The following GALNT13 variants were observed in gnomAD, a reference collection of about 807,000 sequenced individuals.
GALNT13 encodes polypeptide N-acetylgalactosaminyltransferase 13.
In GALNT13, 28 loss-of-function variants were observed where a neutral mutation model predicts 64.2. The observed-to-expected ratio is 0.44, with a 90% CI of 0.32 to 0.60. The LOEUF (loss-of-function observed/expected upper bound fraction) is 0.60, where lower values mean the gene tolerates loss of function less well. Among genes scored for constraint, GALNT13 ranks in the 20% least tolerant of loss-of-function variants. GALNT13 has a pLI of 0.05. For synonymous variants in GALNT13, 214 were observed against 224.6 expected (o/e 0.95, Z 0.42); for missense variants, 577 against 669.8 (o/e 0.86, Z 1.53).
chr2:153,783,903 T>G, the GALNT13 span, among the ~76,000 whole-genome samples: 1 of 152,300 alleles, frequency 6.6e-6, no homozygotes, highest in Admixed American at 6.5e-5. Context: ...CTTTTCTTTA[T>G]AAATTACCCA....
intron 10 of GALNT13, 147 bp downstream of exon 10, chr2:154,396,277 C>T (rs914278978): frequency 1.1e-5 from 5 of 472,010 alleles, no homozygotes; most frequent in Non-Finnish European, 1.8e-5. Flanking sequence ...TTTCAAGGAC[C>T]ATGAAGTCTT....
At chr2:153,135,806 A>T in the GALNT13 span, among the ~76,000 whole-genome samples, 1 of 152,046 alleles carries the variant, frequency 6.6e-6, no homozygotes, top group African/African-American at 2.4e-5. Context: ...ACCAAGGGAA[A>T]CTTTAAAAGT....
At chr2:153,601,732 A>G in the GALNT13 span, among the ~76,000 whole-genome samples, 6 of 151,860 alleles carry the variant, frequency 4.0e-5, no homozygotes, top group Admixed American at 6.6e-5. Flanking sequence ...TAGGCCTTCT[A>G]TGACTTTTTA....
the GALNT13 span, among the ~76,000 whole-genome samples, chr2:153,847,228 A>G: frequency 1.3e-5 from 2 of 152,090 alleles, no homozygotes; most frequent in African/African-American, 4.8e-5. Context: ...ATCTAATATT[A>G]CCTTCTCTTC....
At chr2:153,114,839 C>T in the GALNT13 span, among the ~76,000 whole-genome samples, 1 of 151,672 alleles carries the variant, frequency 6.6e-6, no homozygotes, top group Admixed American at 6.6e-5. Context: ...TTTCTCTTTC[C>T]AATCCCCCTC....
At chr2:153,258,531 T>A in the GALNT13 span, among the ~76,000 whole-genome samples, 11 of 152,226 alleles carry the variant, frequency 7.2e-5, no homozygotes, top group Admixed American at 1.3e-4. Context: ...TTGTAGTTCT[T>A]TAATATGCAT....
the GALNT13 span, among the ~76,000 whole-genome samples, chr2:153,238,699 T>C: frequency 6.6e-5 from 10 of 152,090 alleles, no homozygotes; most frequent in Admixed American, 2.0e-4. Context: ...ATGTGTCCAT[T>C]TTTATGCCAG....
intron 8 of GALNT13, among the ~76,000 whole-genome samples, chr2:154,294,384 C>T (rs1692802505): frequency 6.6e-6 from 1 of 152,194 alleles, no homozygotes; most frequent in Non-Finnish European, 1.5e-5. Flanking sequence ...ATATCCTTAT[C>T]TTTGCCAATT....
intron 2 of GALNT13, among the ~76,000 whole-genome samples, chr2:153,924,725 GT>G (rs1030984192): frequency 6.6e-6 from 1 of 151,986 alleles, no homozygotes; most frequent in Non-Finnish European, 1.5e-5. Context: ...AGCATCTGTT[GT>G]TTTTTTACTT....
chr2:153,092,359 T>C, the GALNT13 span, among the ~76,000 whole-genome samples: 13 of 152,214 alleles, frequency 8.5e-5, no homozygotes, highest in African/African-American at 3.1e-4. Context: ...TAGGATCTTT[T>C]TTTCTATTTC....
At chr2:154,438,868 T>C (rs697647) in intron 12 of GALNT13, 142 bp downstream of exon 12, 601,451 of 602,718 alleles carry the variant, frequency 1, 300,108 homozygotes, top group East Asian at 1. Flanking sequence ...TATCCGGTAA[T>C]ATTAGGATGG....
chr2:154,050,422 T>C (rs1043766758), intron 3 of GALNT13, among the ~76,000 whole-genome samples: 1 of 152,186 alleles, frequency 6.6e-6, no homozygotes, highest in Non-Finnish European at 1.5e-5. Context: ...TTTATCACTT[T>C]TGTTGTTGAG....
chr2:153,792,168 T>C, the GALNT13 span, among the ~76,000 whole-genome samples: 12 of 152,222 alleles, frequency 7.9e-5, no homozygotes, highest in Non-Finnish European at 1.6e-4. Context: ...TTTTTCTATA[T>C]GTATGTAATT....
At chr2:153,105,497 A>C in the GALNT13 span, among the ~76,000 whole-genome samples, 2 of 152,156 alleles carry the variant, frequency 1.3e-5, no homozygotes, top group Non-Finnish European at 2.9e-5. Context: ...ACTCCTATTC[A>C]ACATAGTGTT....
the GALNT13 span, among the ~76,000 whole-genome samples, chr2:153,712,386 C>A: frequency 1.3e-5 from 2 of 152,092 alleles, no homozygotes; most frequent in Admixed American, 6.6e-5. Flanking sequence ...AACCCTTAGC[C>A]AACATCACTC....
At chr2:154,297,239 T>TGTAGTGA (rs1692979511) in intron 8 of GALNT13, among the ~76,000 whole-genome samples, 4 of 152,158 alleles carry the variant, frequency 2.6e-5, no homozygotes, top group African/African-American at 4.8e-5. Flanking sequence ...CAAAACAAAT[T>TGTAGTGA]GCAGAAAGCA....
chr2:153,630,782 TATATATATATATATATATATATATA>T, the GALNT13 span, among the ~76,000 whole-genome samples: 1 of 9,194 alleles, frequency 1.1e-4, no homozygotes. Context: ...TATATATATA[TATATATATATATATATATATATATA>T]TTTTTTTTTT....
At chr2:153,921,854 G>C (rs1689779799) in intron 2 of GALNT13, among the ~76,000 whole-genome samples, 1 of 151,684 alleles carries the variant, frequency 6.6e-6, no homozygotes, top group Non-Finnish European at 1.5e-5. Flanking sequence ...ATAAAATCCA[G>C]GTCAGATGGT....
the GALNT13 span, among the ~76,000 whole-genome samples, chr2:153,826,545 C>T: frequency 2.2e-3 from 329 of 152,248 alleles, 2 homozygotes; most frequent in African/African-American, 6.6e-3. Flanking sequence ...CTGGTATTAC[C>T]TGTCAAATAA....
Sources: gnomAD v4.1 joint callset for allele counts (sites outside exome capture counted in the v4.1 genomes callset) on GRCh38, gnomAD v4.1.1 for gene constraint, MANE v1.5 for transcripts, NCBI Gene and HGNC (gene_info 2026-07-23, HGNC 2026-07-21) for gene names.